Variants in SYT14 observed in about 807,000 individuals in gnomAD.
SYT14 encodes the protein synaptotagmin 14.
In SYT14, 32 loss-of-function variants were observed where a neutral mutation model predicts 74.2. The observed-to-expected ratio is 0.43, with a 90% CI of 0.33 to 0.58. The LOEUF (loss-of-function observed/expected upper bound fraction) is 0.58. Among genes scored for constraint, SYT14 ranks in the 20% least tolerant of loss-of-function variants. The pLI is 0.05. For missense variants in SYT14, 791 were observed against 981.8 expected, an observed-to-expected ratio of 0.81 and a Z score of 2.60; for synonymous variants, 298 against 337.7, an observed-to-expected ratio of 0.88 and a Z score of 1.29.
rs77257452 is a variant in SYT14 at position 210,152,504 on chromosome 1, A to G, written c.2035-3217A>G. ...TGTATATTTATTTTTATCGTTGTATATTCATTTGTGTATACTGTGTCTTTT... is the reference window on the plus strand; with the variant it reads ...TGTATATTTATTTTTATCGTTGTATGTTCATTTGTGTATACTGTGTCTTTT... On this transcript the variant is annotated intron_variant, in intron 7 of 9. Transcript: ENST00000637265. Among the ~76,000 whole-genome samples the G allele has an allele frequency of 1.6e-3, 236 of 152,226 alleles. 6 individuals carry two copies. The East Asian group carries it at 0.041, about 26-fold the overall frequency.
chr1:210,010,173 T>C (rs567853605), intron 2 of SYT14, among the ~76,000 whole-genome samples: 2 of 152,330 alleles, frequency 1.3e-5, no homozygotes, highest in South Asian at 4.1e-4. Context: ...CTTGTAATCA[T>C]GTTACTCCCC....
At chr1:210,016,994 A>G (rs1572163159) in exon 4 of SYT14, 1 of 1,231,886 alleles carries the variant, frequency 8.1e-7, no homozygotes, top group East Asian at 3.2e-5. Flanking sequence ...GAAATACTGT[A>G]AAGTGAACGA....
intron 5 of SYT14, among the ~76,000 whole-genome samples, chr1:210,076,528 A>G (rs116586032): frequency 6.6e-6 from 1 of 152,336 alleles, no homozygotes; most frequent in Non-Finnish European, 1.5e-5. Flanking sequence ...GAACAATACA[A>G]AAGGTGGCTG....
At chr1:210,073,776 A>G (rs2081438170) in intron 5 of SYT14, among the ~76,000 whole-genome samples, 1 of 152,066 alleles carries the variant, frequency 6.6e-6, no homozygotes, top group Non-Finnish European at 1.5e-5. Flanking sequence ...ACCAATTTAT[A>G]CACAACAAAA....
chr1:210,083,942 C>A (rs2081667178), intron 5 of SYT14, among the ~76,000 whole-genome samples: 1 of 152,102 alleles, frequency 6.6e-6, no homozygotes, highest in African/African-American at 2.4e-5. Context: ...TGGTCCCAAG[C>A]AATCCTCCCA....
intron 5 of SYT14, among the ~76,000 whole-genome samples, chr1:210,051,477 T>C (rs998231050): frequency 1.3e-5 from 2 of 152,204 alleles, no homozygotes; most frequent in Non-Finnish European, 2.9e-5. Context: ...AAACATATAC[T>C]CAGATAAATC....
intron 6 of SYT14, among the ~76,000 whole-genome samples, chr1:210,098,259 G>A (rs1558187345): frequency 6.6e-6 from 1 of 151,946 alleles, no homozygotes; most frequent in Non-Finnish European, 1.5e-5. Flanking sequence ...ATAGGGGTTG[G>A]CACATAGTAG....
intron 2 of SYT14, among the ~76,000 whole-genome samples, chr1:210,000,667 T>C (rs990161681): frequency 8.5e-5 from 12 of 141,046 alleles, no homozygotes; most frequent in Non-Finnish European, 1.8e-4. Flanking sequence ...CAGGCTGGAG[T>C]GCAGTGGTGC....
At chr1:210,099,864 G>C (rs901547737) in intron 6 of SYT14, 148 bp from the exon 6 acceptor site, 60 of 761,920 alleles carry the variant, frequency 7.9e-5, no homozygotes, top group Non-Finnish European at 1.2e-4. Flanking sequence ...GGTAGCTTTT[G>C]GTTGTAGTTG....
rs35639848 is a variant in SYT14 at position 209,970,662 on chromosome 1, C to CTTTTTTTTTTTTTTTTTTT, written c.-486+17927_-486+17945dup. ...TTACAGATTGCTTTGGGCAGTATGG[C>CTTTTTTTTTTTTTTTTTTT]TTTTTTTTTTTTTTTTTTTTTTTTT... On this transcript the variant is annotated intron_variant, in intron 2 of 9. Transcript: ENST00000637265. 9.6e-5 allele frequency among the ~76,000 whole-genome samples: 6 copies of CTTTTTTTTTTTTTTTTTTT among 62,810 alleles called. 2 individuals are homozygous for CTTTTTTTTTTTTTTTTTTT. Among genetic ancestry groups the CTTTTTTTTTTTTTTTTTTT allele is most frequent in the Non-Finnish European group, 1.7e-4 (6 of 35,340 alleles). The allele number at this position is 62,810 out of a possible 152,430, so 41.2% of individuals were successfully genotyped here.
rs78483649 is a variant in SYT14 at position 209,997,497 on chromosome 1, C to G, written c.-485-16136C>G. On this transcript the variant is annotated intron_variant, in intron 2 of 9. Coordinates refer to ENST00000637265, the Ensembl canonical transcript of SYT14. ...TGATACAAATAGAAAACACTCTATT[C>G]TCATGAATTGGAAGAATTAATATCG... 4.0e-3 allele frequency among the ~76,000 whole-genome samples: 614 copies of G among 152,230 alleles called. 6 individuals carry two copies. Among genetic ancestry groups the G allele is most frequent in the African/African-American group, 0.014 (579 of 41,552 alleles).
At chr1:210,087,814 C>T (rs182324656) in intron 5 of SYT14, among the ~76,000 whole-genome samples, 1 of 152,278 alleles carries the variant, frequency 6.6e-6, no homozygotes, top group African/African-American at 2.4e-5. Context: ...CCCCCTTGGG[C>T]TCTAATGTGG....
intron 7 of SYT14, among the ~76,000 whole-genome samples, chr1:210,137,264 C>T (rs927607467): frequency 2.0e-5 from 3 of 152,106 alleles, no homozygotes; most frequent in African/African-American, 7.2e-5. Context: ...TCCTTCACCT[C>T]CTATGCTCAC....
In SYT14 at chr1:210,109,447, G is replaced by A. The variant is rs577521198; in HGVS notation, c.2034+8986G>A. On this transcript the variant is annotated intron_variant, in intron 7 of 9. Transcript: ENST00000637265. ...CAAAAAATTAGCTGGGCATGGTTGC[G>A]CGCACCTGTAGTCCCAGCTATTCGG... Among the ~76,000 whole-genome samples, 81 of 151,966 alleles carry A rather than the reference G, an allele frequency of 5.3e-4. No homozygotes were observed. In the South Asian group the frequency reaches 6.2e-3, roughly 12 times the overall value.
At chr1:210,027,307 C>G (rs993728159) in intron 5 of SYT14, among the ~76,000 whole-genome samples, 2 of 151,664 alleles carry the variant, frequency 1.3e-5, no homozygotes, top group African/African-American at 2.4e-5. Context: ...CTTAATTTCT[C>G]AGGATGCCAA....
At chr1:210,065,373 G>A (rs1228000153) in intron 5 of SYT14, among the ~76,000 whole-genome samples, 1 of 151,878 alleles carries the variant, frequency 6.6e-6, no homozygotes, top group Non-Finnish European at 1.5e-5. Flanking sequence ...TTTTATAAGG[G>A]GCTTTTCTCC....
In SYT14 at chr1:210,000,908, C is replaced by A. The variant is rs1355031690; in HGVS notation, c.-485-12725C>A. On this transcript the variant is annotated intron_variant, in intron 2 of 9. Transcript: ENST00000637265. ...GATGCCTTCTTTTTAAAACTTGTTT[C>A]TGCGTGCCTCATAGTTTTCATCCTT... 2.0e-5 allele frequency among the ~76,000 whole-genome samples: 3 copies of A among 152,188 alleles called. No individual in the cohort carries two copies. In the East Asian group the frequency reaches 5.8e-4, roughly 29 times the overall value.
chr1:210,009,739 TTC>T (rs1364929923), intron 2 of SYT14, among the ~76,000 whole-genome samples: 2 of 152,156 alleles, frequency 1.3e-5, no homozygotes, highest in African/African-American at 4.8e-5. Flanking sequence ...CTGTGAAATA[TTC>T]TGTTGGCATT....
intron 7 of SYT14, among the ~76,000 whole-genome samples, chr1:210,137,383 G>T (rs1206373102): frequency 6.6e-6 from 1 of 152,058 alleles, no homozygotes; most frequent in East Asian, 1.9e-4. Flanking sequence ...ATTATAGAGG[G>T]AAAAATAATG....
Sources: gnomAD v4.1 joint callset for allele counts (sites outside exome capture counted in the v4.1 genomes callset) on GRCh38, gnomAD v4.1.1 for gene constraint, MANE v1.5 for transcripts, NCBI Gene and HGNC (gene_info 2026-07-23, HGNC 2026-07-21) for gene names.